The following GALNT13 variants were observed in gnomAD, a reference collection of about 807,000 sequenced individuals.
The protein encoded by GALNT13 is UDP-GalNAc:polypeptide N-acetylgalactosaminyltransferase 13.
In GALNT13, 28 loss-of-function variants were observed where a neutral mutation model predicts 64.2. That is an observed-to-expected ratio of 0.44 (90% confidence interval 0.32 to 0.60). The LOEUF is 0.60. Ranked by LOEUF, GALNT13 falls within the 20% of genes least tolerant of loss-of-function variation. GALNT13 has a pLI of 0.05. For synonymous variants in GALNT13, 214 were observed against 224.6 expected (o/e 0.95, Z 0.42); for missense variants, 577 against 669.8 (o/e 0.86, Z 1.53).
intron 4 of GALNT13, among the ~76,000 whole-genome samples, chr2:154,176,331 G>A (rs1462665683): frequency 6.6e-6 from 1 of 150,798 alleles, no homozygotes; most frequent in African/African-American, 2.4e-5. Flanking sequence ...CTGGAGTGCA[G>A]TGGCGCGATC....
At chr2:153,966,603 C>T (rs1693373180) in intron 3 of GALNT13, among the ~76,000 whole-genome samples, 1 of 152,016 alleles carries the variant, frequency 6.6e-6, no homozygotes. Context: ...CTCATGACCT[C>T]GTGATCCGCC....
At chr2:154,065,375 A>T (rs778118102) in intron 3 of GALNT13, among the ~76,000 whole-genome samples, 1 of 152,162 alleles carries the variant, frequency 6.6e-6, no homozygotes, top group Non-Finnish European at 1.5e-5. Flanking sequence ...TTGGACCTTG[A>T]GCAAACATAG....
the GALNT13 span, among the ~76,000 whole-genome samples, chr2:153,112,556 C>G: frequency 1.3e-5 from 2 of 152,058 alleles, no homozygotes; most frequent in African/African-American, 4.8e-5. Flanking sequence ...ACTAGTCCCT[C>G]TCACATACCA....
At chr2:154,388,656 T>A (rs1203982561) in intron 9 of GALNT13, among the ~76,000 whole-genome samples, 14 of 151,990 alleles carry the variant, frequency 9.2e-5, no homozygotes, top group Admixed American at 9.2e-4. Flanking sequence ...TTAGATGCAA[T>A]AGAATACAAT....
At chr2:154,383,931 AAGAC>A (rs1368280378) in intron 9 of GALNT13, among the ~76,000 whole-genome samples, 7 of 151,846 alleles carry the variant, frequency 4.6e-5, no homozygotes, top group African/African-American at 7.2e-5. Flanking sequence ...GAGAGAGAAT[AAGAC>A]AGAAGAGAGG....
intron 4 of GALNT13, among the ~76,000 whole-genome samples, chr2:154,155,367 TA>T (rs1684348706): frequency 6.6e-6 from 1 of 152,112 alleles, no homozygotes; most frequent in South Asian, 2.1e-4. Flanking sequence ...TTTGTTTTAG[TA>T]AACATTTGCA....
intron 9 of GALNT13, among the ~76,000 whole-genome samples, chr2:154,367,808 A>G (rs1697455361): frequency 6.6e-6 from 1 of 152,202 alleles, no homozygotes; most frequent in Non-Finnish European, 1.5e-5. Context: ...TTTTTAAATG[A>G]CAGGCATAGA....
chr2:153,436,927 A>G, the GALNT13 span, among the ~76,000 whole-genome samples: 1 of 151,848 alleles, frequency 6.6e-6, no homozygotes, highest in South Asian at 2.1e-4. Context: ...TAGGGTGTCA[A>G]TTTTGGATCT....
At chr2:154,078,387 T>C (rs1701098678) in intron 3 of GALNT13, among the ~76,000 whole-genome samples, 2 of 151,520 alleles carry the variant, frequency 1.3e-5, no homozygotes, top group African/African-American at 4.8e-5. Flanking sequence ...ATTTTCTTCT[T>C]GATAAAGGAT....
intron 8 of GALNT13, chr2:154,287,023 C>G (rs1227919022): frequency 9.7e-6 from 6 of 618,278 alleles, no homozygotes; most frequent in African/African-American, 3.6e-5. Context: ...CCAAAGAGAG[C>G]TGGTCTCCAG....
intron 4 of GALNT13, among the ~76,000 whole-genome samples, chr2:154,167,632 CAG>C (rs1559000586): frequency 6.6e-6 from 1 of 152,106 alleles, no homozygotes; most frequent in African/African-American, 2.4e-5. Flanking sequence ...GCACTGAACA[CAG>C]AGGGAGGGCA....
the GALNT13 span, among the ~76,000 whole-genome samples, chr2:153,450,095 G>A: frequency 1.1e-4 from 17 of 152,244 alleles, no homozygotes; most frequent in East Asian, 2.1e-3. Flanking sequence ...AGGCTTCATC[G>A]TTCAGGGTTT....
intron 4 of GALNT13, among the ~76,000 whole-genome samples, chr2:154,174,050 A>G (rs1330183117): frequency 6.6e-6 from 1 of 152,144 alleles, no homozygotes; most frequent in Non-Finnish European, 1.5e-5. Context: ...TATATATCCA[A>G]AAGAAAGGAA....
chr2:153,624,626 A>AT, the GALNT13 span, among the ~76,000 whole-genome samples: 1 of 152,146 alleles, frequency 6.6e-6, no homozygotes, highest in African/African-American at 2.4e-5. Flanking sequence ...CACAGCTTAC[A>AT]TATAGTGTAA....
intron 4 of GALNT13, among the ~76,000 whole-genome samples, chr2:154,211,120 G>A (rs939266840): frequency 6.6e-5 from 10 of 152,106 alleles, no homozygotes; most frequent in Non-Finnish European, 1.0e-4. Flanking sequence ...CTACACTCAT[G>A]CATTGCTTAA....
At chr2:153,968,107 C>T (rs1485502986) in intron 3 of GALNT13, among the ~76,000 whole-genome samples, 2 of 152,120 alleles carry the variant, frequency 1.3e-5, no homozygotes, top group Non-Finnish European at 2.9e-5. Context: ...CTGGTCCGTA[C>T]CCCAAGTCCA....
the GALNT13 span, among the ~76,000 whole-genome samples, chr2:153,425,437 GT>G: frequency 6.6e-6 from 1 of 151,688 alleles, no homozygotes; most frequent in Non-Finnish European, 1.5e-5. Flanking sequence ...CAGTGAATGT[GT>G]GAAATGCATT....
the GALNT13 span, among the ~76,000 whole-genome samples, chr2:153,390,950 G>A: frequency 6.6e-6 from 1 of 152,046 alleles, no homozygotes; most frequent in East Asian, 1.9e-4. Flanking sequence ...GTAGAACAGG[G>A]TAAGGAGAAT....
At chr2:153,913,397 C>T (rs1168528290) in intron 2 of GALNT13, among the ~76,000 whole-genome samples, 1 of 152,112 alleles carries the variant, frequency 6.6e-6, no homozygotes, top group African/African-American at 2.4e-5. Flanking sequence ...GCACACATGT[C>T]CTGTCTCATG....
Sources: allele counts gnomAD v4.1 joint callset (sites outside exome capture counted in the v4.1 genomes callset), GRCh38; gene constraint gnomAD v4.1.1; transcripts MANE v1.5; gene names NCBI Gene and HGNC (gene_info 2026-07-23, HGNC 2026-07-21).